Variants in C1QL1 observed in about 807,000 individuals in gnomAD.
C1QL1 encodes the protein C1q-related factor.
C1QL1 carries 15 observed loss-of-function variants against 14.2 expected under a neutral mutation model. The observed-to-expected ratio is 1.06, with a 90% confidence interval of 0.71 to 1.62. The LOEUF (loss-of-function observed/expected upper bound fraction) is 1.62, where lower values mean the gene tolerates loss of function less well. Among genes scored for constraint, C1QL1 ranks in the 40% most tolerant of loss-of-function variants. C1QL1 has a pLI of 0.00. For missense variants in C1QL1, 346 were observed against 380.3 expected (o/e 0.91, Z 0.75); for synonymous variants, 172 against 172.4 (o/e 1.00, Z 0.02).
At chr17:44,964,182 G>A (rs941490902) in intron 1 of C1QL1, among the ~76,000 whole-genome samples, 1 of 152,188 alleles carries the variant, frequency 6.6e-6, no homozygotes, top group African/African-American at 2.4e-5. Flanking sequence ...AGGAGGCAGA[G>A]CCCAGATTCA....
In C1QL1 at chr17:44,961,910, A is replaced by AAAG. The variant is rs1555585742; in HGVS notation, c.598-1544_598-1543insCTT. Reference sequence around the variant, plus strand: ...TCCGTCTCAAAAAAAAAAAAAAAAAAAGAGAGAGAGAGAGAGAGAGAGAGA... The same window carrying AAAG: ...TCCGTCTCAAAAAAAAAAAAAAAAAAAAGAGAGAGAGAGAGAGAGAGAGAGAGA... On this transcript the variant is annotated intron_variant, in intron 1 of 1. Coordinates refer to ENST00000253407, the MANE Select transcript of C1QL1 (RefSeq NM_006688.5). 1.1e-3 allele frequency among the ~76,000 whole-genome samples: 142 copies of AAAG among 129,724 alleles called. 2 individuals are homozygous for AAAG. The highest frequency in any genetic ancestry group is 3.4e-3 in the African/African-American group (106 of 31,442). 85.1% of individuals were successfully genotyped at this position (129,724 alleles called of 152,430 possible). A position where few individuals can be genotyped will look rare whatever the true frequency, so the allele number is the denominator to read the frequency against.
At chr17:44,965,124 C>T (rs935425755) in intron 1 of C1QL1, among the ~76,000 whole-genome samples, 6 of 152,202 alleles carry the variant, frequency 3.9e-5, no homozygotes, top group African/African-American at 7.2e-5. Flanking sequence ...GCCATTCTCC[C>T]GCCTTAGCCT....
chr17:44,960,638 T>C (rs546385280), intron 1 of C1QL1, among the ~76,000 whole-genome samples: 4 of 152,302 alleles, frequency 2.6e-5, no homozygotes, highest in South Asian at 4.1e-4. Flanking sequence ...TTAACTCTTA[T>C]AGGGCTTTCC....
At chr17:44,965,853 A>G (rs1319043096) in intron 1 of C1QL1, among the ~76,000 whole-genome samples, 1 of 152,218 alleles carries the variant, frequency 6.6e-6, no homozygotes, top group Non-Finnish European at 1.5e-5. Context: ...AAAGGAAGAC[A>G]TTCCATTGAT....
chr17:44,968,063 C>T lies in C1QL1; in HGVS notation c.-15G>A. 1 of 1,298,126 alleles carries T rather than the reference C, an allele frequency of 7.7e-7. No homozygotes were observed. The highest frequency in any genetic ancestry group is 9.8e-7 in the Non-Finnish European group (1 of 1,022,840). The allele number at this position is 1,298,126 out of a possible 1,614,324, so 80.4% of individuals were successfully genotyped here. A position where few individuals can be genotyped will look rare whatever the true frequency, so the allele number is the denominator to read the frequency against. ...ACCAGCAGCATCACCACACCCGCGG[C>T]GGCCGCTAGCAGCGTCTTTCGGCCC... On this transcript the variant is annotated 5_prime_UTR_variant, in exon 1 of 2. Transcript: ENST00000253407.
chr17:44,961,561 C>T (rs1247187868), intron 1 of C1QL1, among the ~76,000 whole-genome samples: 1 of 144,028 alleles, frequency 6.9e-6, no homozygotes, highest in Non-Finnish European at 1.5e-5. Context: ...CACTGCGCTC[C>T]AGCCTGGGCG....
At chr17:44,964,420 C>T (rs981023782) in intron 1 of C1QL1, among the ~76,000 whole-genome samples, 1 of 152,216 alleles carries the variant, frequency 6.6e-6, no homozygotes, top group African/African-American at 2.4e-5. Flanking sequence ...TATATTCTCC[C>T]TTGTGGTATC....
chr17:44,965,354 G>A, intron 1 of C1QL1, among the ~76,000 whole-genome samples: 1 of 151,776 alleles, frequency 6.6e-6, no homozygotes, highest in Non-Finnish European at 1.5e-5. Flanking sequence ...CGCTGTGTTG[G>A]CCAGGATGAT....
chr17:44,960,283 C>G lies in C1QL1; in HGVS notation c.682G>C (p.Asp228His). ...NSVILHLDAG[D>H]EVFIKLDGGK... ...CCATCCAGCTTGATGAAGACCTCGTCGCCGGCGTCCAGGTGCAGGATCACG... is the reference window on the plus strand; with the variant it reads ...CCATCCAGCTTGATGAAGACCTCGTGGCCGGCGTCCAGGTGCAGGATCACG... Residue 228 changes from aspartate (D) to histidine (H), a missense_variant, in exon 2 of 2, where the codon GAC (aspartate) becomes CAC (histidine). By Grantham distance (81) the Asp-to-His change is moderately conservative. Transcript: ENST00000253407. 1.2e-6 allele frequency: 2 copies of G among 1,614,164 alleles called. No individual in the cohort carries two copies. Among genetic ancestry groups the G allele is most frequent in the South Asian group, 2.2e-5 (2 of 91,082 alleles).
chr17:44,968,066 C>A lies in C1QL1; in HGVS notation c.-18G>T. 1 of 1,293,078 alleles carries A rather than the reference C, an allele frequency of 7.7e-7. No homozygotes were observed. The highest frequency in any genetic ancestry group is 1.5e-5 in the African/African-American group (1 of 64,808). 80.1% of individuals were successfully genotyped at this position (1,293,078 alleles called of 1,614,324 possible). On this transcript the variant is annotated 5_prime_UTR_variant, in exon 1 of 2. Coordinates refer to ENST00000253407, the MANE Select transcript of C1QL1 (RefSeq NM_006688.5). The stretch of plus-strand genomic sequence containing the variant: ...AGCAGCATCACCACACCCGCGGCGG[C>A]CGCTAGCAGCGTCTTTCGGCCCGCG...
chr17:44,963,776 C>T (rs533256626), intron 1 of C1QL1, among the ~76,000 whole-genome samples: 18 of 152,222 alleles, frequency 1.2e-4, no homozygotes, highest in African/African-American at 3.9e-4. Context: ...CAGCACCTCT[C>T]GCCACACTCA....
chr17:44,961,323 T>A (rs1006992710), intron 1 of C1QL1, among the ~76,000 whole-genome samples: 1 of 152,152 alleles, frequency 6.6e-6, no homozygotes, highest in Admixed American at 6.5e-5. Flanking sequence ...CTGCATACGG[T>A]GGCTCATGCC....
chr17:44,960,885 C>T (rs1362879375), intron 1 of C1QL1, among the ~76,000 whole-genome samples: 1 of 152,246 alleles, frequency 6.6e-6, no homozygotes, highest in Non-Finnish European at 1.5e-5. Flanking sequence ...TGCCAGGCTG[C>T]CAGTCAGCAA....
intron 1 of C1QL1, among the ~76,000 whole-genome samples, chr17:44,965,482 T>C (rs975481004): frequency 2.0e-5 from 3 of 152,194 alleles, no homozygotes; most frequent in Non-Finnish European, 4.4e-5. Context: ...CTGGTCTGAA[T>C]AACTATTAAA....
chr17:44,962,230 T>C (rs3024295), intron 1 of C1QL1, among the ~76,000 whole-genome samples: 29,576 of 152,076 alleles, frequency 0.19, 3,764 homozygotes, highest in African/African-American at 0.37. Flanking sequence ...GAGGGGCCCA[T>C]CCTCTCTCCT....
chr17:44,968,174 G>A lies in C1QL1; in HGVS notation c.-126C>T, dbSNP rs2052669483. On this transcript the variant is annotated 5_prime_UTR_variant, in exon 1 of 2. Coordinates refer to ENST00000253407, the MANE Select transcript of C1QL1 (RefSeq NM_006688.5). ...GGCAGGGGGCGCGGGCTAGGCGCCC[G>A]CGCTCAAGGACGGTCCGGCGGGGCT... 4 of 356,056 alleles carry A rather than the reference G, an allele frequency of 1.1e-5. No individual in the cohort carries two copies. The highest frequency in any genetic ancestry group is 1.7e-5 in the Non-Finnish European group (4 of 236,218). The allele number at this position is 356,056 out of a possible 1,614,324, so 22.1% of individuals were successfully genotyped here. A position where few individuals can be genotyped will look rare whatever the true frequency, so the allele number is the denominator to read the frequency against.
chr17:44,962,313 C>T (rs1487785656), intron 1 of C1QL1, among the ~76,000 whole-genome samples: 1 of 152,212 alleles, frequency 6.6e-6, no homozygotes, highest in Non-Finnish European at 1.5e-5. Context: ...ATGAAGAGGA[C>T]CCGACATATT....
Position 44,967,304 on chromosome 17 carries a change from CACGT to C in C1QL1, c.597+144_597+147del. 4.8e-6 allele frequency: 4 copies of C among 829,118 alleles called. No homozygotes were observed. The highest frequency in any genetic ancestry group is 3.5e-4 in the Middle Eastern group (1 of 2,872). 51.4% of individuals were successfully genotyped at this position (829,118 alleles called of 1,614,324 possible). On this transcript the variant is annotated intron_variant, in intron 1 of 1. Coordinates refer to ENST00000253407, the MANE Select transcript of C1QL1 (RefSeq NM_006688.5). The surrounding 1 kb of genome is among the most constrained non-coding windows in gnomAD (Gnocchi z 7.0). ...TGTCCGCTGGCTCCGACCATCCCCA[CACGT>C]GATGACCAAGCGGGGCCGCTGTGGG...
chr17:44,964,810 T>G (rs1175276379), intron 1 of C1QL1, among the ~76,000 whole-genome samples: 1 of 146,936 alleles, frequency 6.8e-6, no homozygotes, highest in Non-Finnish European at 1.5e-5. Flanking sequence ...TTTCTCCTGG[T>G]TTTCTTTTCT....
Sources: allele counts gnomAD v4.1 joint callset (sites outside exome capture counted in the v4.1 genomes callset), GRCh38; gene constraint gnomAD v4.1.1; non-coding constraint Gnocchi (gnomAD v3.1); transcripts MANE v1.5; gene names NCBI Gene and HGNC (gene_info 2026-07-23, HGNC 2026-07-21).